The following NCR3 variants were observed in gnomAD, a reference collection of about 807,000 sequenced individuals.
NCR3 encodes the protein NK-p30.
Under a neutral mutation model 16.1 loss-of-function variants are expected in NCR3, and 13 were observed. The ratio of observed to expected loss-of-function variants is 0.81; its 90% CI spans 0.53 to 1.28. The LOEUF (loss-of-function observed/expected upper bound fraction) is 1.28. Among genes scored for constraint, NCR3 ranks in the 50% most tolerant of loss-of-function variants. The pLI is 0.00. For missense variants in NCR3, 202 were observed against 256.8 expected, an observed-to-expected ratio of 0.79 and a Z score of 1.46; for synonymous variants, 98 against 106.6, an observed-to-expected ratio of 0.92 and a Z score of 0.50.
rs1237530670 is a variant in NCR3, at chr6:31,589,310, G to T, written c.497-134C>A. 1 of 1,552,334 alleles carries T rather than the reference G, an allele frequency of 6.4e-7. No homozygotes were observed. The highest frequency in any genetic ancestry group is 8.7e-7 in the Non-Finnish European group (1 of 1,147,168). On this transcript the variant is annotated intron_variant, in intron 3 of 3. Coordinates refer to ENST00000340027, the MANE Select transcript of NCR3 (RefSeq NM_147130.3). This position sits in a 1 kb window ranked among gnomAD's most constrained non-coding sequence, Gnocchi z 4.8. ...AGATTTATTGGGGTCTTTTGAAGAG[G>T]ACTAGGGACATCTGGGCTCTGGAAT...
intron 1 of NCR3, 109 bp downstream of exon 1, chr6:31,592,570 G>T: frequency 8.4e-7 from 1 of 1,183,798 alleles, no homozygotes; most frequent in Non-Finnish European, 1.2e-6. Context: ...CCTCAGAGCC[G>T]TGTGTTTCAG....
Position 31,589,646 on chromosome 6 carries a change from A to G in NCR3, c.389-13T>C, listed in dbSNP as rs529537983. 20 of 1,613,110 alleles carry G rather than the reference A, an allele frequency of 1.2e-5. No individual in the cohort carries two copies. Among genetic ancestry groups the G allele is most frequent in the African/African-American group, 2.7e-5 (2 of 75,032 alleles). The stretch of plus-strand genomic sequence containing the variant: ...AGCTGAGGATGTTCTGCATGGGGCA[A>G]TGGAGACGGGGGTTGGGGAAGAAGT... On this transcript the variant is annotated splice_polypyrimidine_tract_variant and intron_variant, in intron 2 of 3. Coordinates refer to ENST00000340027, the MANE Select transcript of NCR3 (RefSeq NM_147130.3). The surrounding 1 kb of genome is among the most constrained non-coding windows in gnomAD (Gnocchi z 4.8).
Position 31,592,872 on chromosome 6 carries a change from G to T in NCR3, c.-151C>A. The stretch of plus-strand genomic sequence containing the variant: ...CGGGACTCACACATCACTTGCCAAG[G>T]ACCACAACTGCCAGGGACCTCGAGC... On this transcript the variant is annotated 5_prime_UTR_variant, in exon 1 of 4. Coordinates refer to ENST00000340027, the MANE Select transcript of NCR3 (RefSeq NM_147130.3). 1 of 747,132 alleles carries T rather than the reference G, an allele frequency of 1.3e-6. No homozygotes were observed. The highest frequency in any genetic ancestry group is 1.5e-5 in the South Asian group (1 of 65,080). The allele number at this position is 747,132 out of a possible 1,614,324, so 46.3% of individuals were successfully genotyped here.
rs1772427841 is a variant in NCR3 at position 31,589,584 on chromosome 6, G to A, written c.438C>T (p.Phe146=). ...AGTVLLLRAG[F]YAVSFLSVAV... ...CCACAGAGAGAAAGCTGACAGCATA[G>A]AATCCAGCCCGAAGGAGGAGGACTG... The change falls in exon 3 of 4, where the codon TTC becomes TTT. Residue 146 remains phenylalanine (F), a synonymous_variant. Coordinates refer to ENST00000340027, the MANE Select transcript of NCR3 (RefSeq NM_147130.3). This position sits in a 1 kb window ranked among gnomAD's most constrained non-coding sequence, Gnocchi z 4.8. The A allele has an allele frequency of 6.2e-7, 1 of 1,613,912 alleles. No homozygotes were observed. Among genetic ancestry groups the A allele is most frequent in the South Asian group, 1.1e-5 (1 of 91,078 alleles).
chr6:31,592,408 T>C (rs1375157897), intron 1 of NCR3, among the ~76,000 whole-genome samples: 30 of 136,494 alleles, frequency 2.2e-4, no homozygotes, highest in African/African-American at 8.3e-4. Flanking sequence ...CGAGACTCAG[T>C]CTCAAAAAAA....
At chr6:31,592,026 G>T (rs1348316322) in intron 1 of NCR3, among the ~76,000 whole-genome samples, 1 of 152,140 alleles carries the variant, frequency 6.6e-6, no homozygotes, top group Non-Finnish European at 1.5e-5. Context: ...GAGGCAGGCA[G>T]ATCACCTGAG....
intron 1 of NCR3, among the ~76,000 whole-genome samples, chr6:31,592,123 G>C (rs41268892): frequency 4.6e-5 from 7 of 151,852 alleles, no homozygotes; most frequent in Non-Finnish European, 7.4e-5. Context: ...GGTGGTGCGC[G>C]CTTGTAATCC....
chr6:31,592,739 T>C lies in NCR3; in HGVS notation c.-18A>G, dbSNP rs1256821142. The C allele has an allele frequency of 1.2e-6, 2 of 1,612,734 alleles. No individual in the cohort carries two copies. The highest frequency in any genetic ancestry group is 1.7e-6 in the Non-Finnish European group (2 of 1,180,006). ...CAGGCCATGTCGGAAGATGTCCCAG[T>C]TGGCGAAGGGGATCTGAGCAGTGAG... On this transcript the variant is annotated 5_prime_UTR_variant, in exon 1 of 4. Coordinates refer to ENST00000340027, the MANE Select transcript of NCR3 (RefSeq NM_147130.3).
rs1772347427 is a variant in NCR3 at position 31,588,916 on chromosome 6, G to A, written c.*151C>T. The A allele has an allele frequency of 2.1e-6, 2 of 967,888 alleles. No homozygotes were observed. Among genetic ancestry groups the A allele is most frequent in the East Asian group, 2.6e-5 (1 of 37,768 alleles). The allele number at this position is 967,888 out of a possible 1,614,324, so 60.0% of individuals were successfully genotyped here. A position where few individuals can be genotyped will look rare whatever the true frequency, so the allele number is the denominator to read the frequency against. On this transcript the variant is annotated 3_prime_UTR_variant, in exon 4 of 4. Coordinates refer to ENST00000340027, the MANE Select transcript of NCR3 (RefSeq NM_147130.3). ...TGGCTCACCCTTCCACCCACTCTGG[G>A]GTCAAATAGTAATTTATTGGGTGAA... is the stretch of plus-strand genomic sequence containing the variant.
chr6:31,590,130 G>A lies in NCR3; in HGVS notation c.44-4C>T. On this transcript the variant is annotated splice_polypyrimidine_tract_variant and splice_region_variant and intron_variant, in intron 1 of 3. Transcript: ENST00000340027. ...GACACCCAGAGAGCACAGGATCCTG[G>A]GGGCAGAAGGAAGACCCAGAGAAAC... 1.3e-6 allele frequency: 2 copies of A among 1,598,366 alleles called. No individual in the cohort carries two copies. Among genetic ancestry groups the A allele is most frequent in the Middle Eastern group, 1.7e-4 (1 of 5,980 alleles).
chr6:31,592,569 C>T (rs1772712649), intron 1 of NCR3, 110 bp downstream of exon 1: 3 of 1,157,858 alleles, frequency 2.6e-6, no homozygotes, highest in Admixed American at 3.9e-5. Context: ...CCCTCAGAGC[C>T]GTGTGTTTCA....
In NCR3 at chr6:31,589,508, C is replaced by T; in HGVS notation, c.496+18G>A. 6.2e-7 allele frequency: 1 copy of T among 1,613,660 alleles called. No individual in the cohort carries two copies. Among genetic ancestry groups the T allele is most frequent in the Non-Finnish European group, 8.5e-7 (1 of 1,179,770 alleles). On this transcript the variant is annotated intron_variant, in intron 3 of 3. Transcript: ENST00000340027. This position sits in a 1 kb window ranked among gnomAD's most constrained non-coding sequence, Gnocchi z 4.8. Reference sequence around the variant, plus strand: ...CCCTCCCATCCCGTCCACTATTGCCCCTGGCTCCATTACTCACATTTGCCC... The same window carrying T: ...CCCTCCCATCCCGTCCACTATTGCCTCTGGCTCCATTACTCACATTTGCCC...
chr6:31,589,906 G>A lies in NCR3; in HGVS notation c.264C>T (p.Asp88=). ...APLASSRFLH[D]HQAELHIRDV... Reference sequence around the variant, plus strand: ...CCCGGATGTGCAGCTCAGCCTGGTGGTCATGGAGGAAACGGGAAGAAGCAA... The same window carrying A: ...CCCGGATGTGCAGCTCAGCCTGGTGATCATGGAGGAAACGGGAAGAAGCAA... Residue 88 remains aspartate, a synonymous_variant, in exon 2 of 4, where the codon GAC becomes GAT. Coordinates refer to ENST00000340027, the MANE Select transcript of NCR3 (RefSeq NM_147130.3). The surrounding 1 kb of genome is among the most constrained non-coding windows in gnomAD (Gnocchi z 4.8). 2 of 1,613,168 alleles carry A rather than the reference G, an allele frequency of 1.2e-6. No individual in the cohort carries two copies. The highest frequency in any genetic ancestry group is 1.1e-5 in the South Asian group (1 of 91,090).
chr6:31,592,263 A>G (rs1772686988), intron 1 of NCR3, among the ~76,000 whole-genome samples: 1 of 151,492 alleles, frequency 6.6e-6, no homozygotes. Flanking sequence ...AAAAAAAAAA[A>G]TTAGCCAGGT....
At position 31,589,542 on chromosome 6, in the gene NCR3, G is replaced by A; in HGVS notation, c.480C>T (p.Val160=). ...ATTACTCACATTTGCCCTGGTAATA[G>A]ACGGTGCTGCCCACGGCCACAGAGA... The part of the protein sequence containing the change: ...SFLSVAVGST[V]YYQGKCLTWK... Residue 160 remains valine, a synonymous_variant, in exon 3 of 4, where the codon GTC becomes GTT. Coordinates refer to ENST00000340027, the MANE Select transcript of NCR3 (RefSeq NM_147130.3). The surrounding 1 kb of genome is among the most constrained non-coding windows in gnomAD (Gnocchi z 4.8). 1 of 1,614,114 alleles carries A rather than the reference G, an allele frequency of 6.2e-7. No individual in the cohort carries two copies. The highest frequency in any genetic ancestry group is 8.5e-7 in the Non-Finnish European group (1 of 1,180,036).
Position 31,589,523 on chromosome 6 carries a change from C to T in NCR3, c.496+3G>A. The stretch of plus-strand genomic sequence containing the variant: ...CACTATTGCCCCTGGCTCCATTACT[C>T]ACATTTGCCCTGGTAATAGACGGTG... On this transcript the variant is annotated splice_donor_region_variant and intron_variant, in intron 3 of 3. Coordinates refer to ENST00000340027, the MANE Select transcript of NCR3 (RefSeq NM_147130.3). This position sits in a 1 kb window ranked among gnomAD's most constrained non-coding sequence, Gnocchi z 4.8. 1 of 1,614,020 alleles carries T rather than the reference C, an allele frequency of 6.2e-7. No individual in the cohort carries two copies. Among genetic ancestry groups the T allele is most frequent in the Non-Finnish European group, 8.5e-7 (1 of 1,179,994 alleles).
Position 31,589,549 on chromosome 6 carries a change from C to T in NCR3, c.473G>A (p.Ser158Asn). ...AVSFLSVAVG[S>N]TVYYQGKCLT... ...ACATTTGCCCTGGTAATAGACGGTG[C>T]TGCCCACGGCCACAGAGAGAAAGCT... The change falls in exon 3 of 4, where the codon AGC becomes AAC. Residue 158 changes from serine to asparagine, a missense_variant. Physicochemically the swap from Ser to Asn is conservative, Grantham distance 46 (BLOSUM62 1). Transcript: ENST00000340027. The surrounding 1 kb of genome is among the most constrained non-coding windows in gnomAD (Gnocchi z 4.8). 6.2e-7 allele frequency: 1 copy of T among 1,614,100 alleles called. No individual in the cohort carries two copies. The highest frequency in any genetic ancestry group is 8.5e-7 in the Non-Finnish European group (1 of 1,180,026).
chr6:31,589,726 G>T lies in NCR3; in HGVS notation c.388+56C>A. The T allele has an allele frequency of 2.5e-6, 4 of 1,601,854 alleles. No individual in the cohort carries two copies. In the Admixed American group the frequency reaches 6.7e-5, roughly 27 times the overall value. ...CAGAGGAGCATCCCTGCCTCCCAAGGACATTGCCTCTTGGGGCCTCCAGCC... is the reference window on the plus strand; with the variant it reads ...CAGAGGAGCATCCCTGCCTCCCAAGTACATTGCCTCTTGGGGCCTCCAGCC... On this transcript the variant is annotated intron_variant, in intron 2 of 3. Coordinates refer to ENST00000340027, the MANE Select transcript of NCR3 (RefSeq NM_147130.3). This position sits in a 1 kb window ranked among gnomAD's most constrained non-coding sequence, Gnocchi z 4.8.
chr6:31,590,948 TG>T (rs1772593823), intron 1 of NCR3, among the ~76,000 whole-genome samples: 1 of 152,170 alleles, frequency 6.6e-6, no homozygotes, highest in African/African-American at 2.4e-5. Context: ...CAAGCGATCC[TG>T]GTGCCTCAGC....
Sources: gnomAD v4.1 joint callset for allele counts (sites outside exome capture counted in the v4.1 genomes callset) on GRCh38, gnomAD v4.1.1 for gene constraint, Gnocchi (gnomAD v3.1) non-coding constraint, MANE v1.5 for transcripts, NCBI Gene and HGNC (gene_info 2026-07-23, HGNC 2026-07-21) for gene names.